The following CFAP77 variants were observed in gnomAD, a reference collection of about 807,000 sequenced individuals.
CFAP77 encodes the protein cilia- and flagella-associated protein 77.
A neutral mutation model predicts 31.1 loss-of-function variants in CFAP77; 25 were observed. That is an observed-to-expected ratio of 0.80 (90% CI 0.59 to 1.12). The LOEUF (loss-of-function observed/expected upper bound fraction) is 1.12. Among genes scored for constraint, CFAP77 ranks in the 50% most tolerant of loss-of-function variants. The pLI is 0.00. For synonymous variants in CFAP77, 151 were observed against 159.9 expected (o/e 0.94, Z 0.42); for missense variants, 377 against 397.3 (o/e 0.95, Z 0.44).
At chr9:132,437,120 G>C (rs1457511352) in intron 1 of CFAP77, among the ~76,000 whole-genome samples, 1 of 152,122 alleles carries the variant, frequency 6.6e-6, no homozygotes, top group Non-Finnish European at 1.5e-5. Flanking sequence ...TACTATTCAG[G>C]TAACTCGATG....
At chr9:132,425,656 G>T (rs949502121) in intron 1 of CFAP77, among the ~76,000 whole-genome samples, 1 of 152,094 alleles carries the variant, frequency 6.6e-6, no homozygotes, top group Non-Finnish European at 1.5e-5. Context: ...TTTAAAGGCA[G>T]CAGCCTCTAA....
At chr9:132,535,704 T>G (rs1025384846) in intron 3 of CFAP77, among the ~76,000 whole-genome samples, 42 of 146,188 alleles carry the variant, frequency 2.9e-4, no homozygotes, top group Non-Finnish European at 3.7e-4. Context: ...AGCGTGAGAC[T>G]CCACCTCAAT....
chr9:132,500,346 C>T (rs978230516), intron 3 of CFAP77, among the ~76,000 whole-genome samples: 2 of 152,086 alleles, frequency 1.3e-5, no homozygotes, highest in Admixed American at 6.5e-5. Context: ...ATGGAGATAA[C>T]AGTAGCACCT....
chr9:132,492,296 AC>A (rs111522804), intron 1 of CFAP77, among the ~76,000 whole-genome samples: 10,716 of 151,014 alleles, frequency 0.071, 502 homozygotes, highest in African/African-American at 0.13. Context: ...TCAAAAAAGA[AC>A]CCCCCCCAAA....
chr9:132,484,969 C>G (rs554068849), intron 1 of CFAP77, among the ~76,000 whole-genome samples: 4 of 152,142 alleles, frequency 2.6e-5, no homozygotes, highest in African/African-American at 9.6e-5. Context: ...CCGCCTCAAC[C>G]TCCCCTGTAG....
chr9:132,450,812 C>T (rs372703763), intron 1 of CFAP77, among the ~76,000 whole-genome samples: 49 of 152,262 alleles, frequency 3.2e-4, no homozygotes, highest in African/African-American at 1.1e-3. Context: ...AGCGGGTAAG[C>T]CGGGAGGCTC....
At position 132,572,592 on chromosome 9, in the gene CFAP77, A is replaced by C; in HGVS notation, c.*82A>C. The C allele has an allele frequency of 7.4e-7, 1 of 1,357,942 alleles. No homozygotes were observed. The highest frequency in any genetic ancestry group is 1.0e-6 in the Non-Finnish European group (1 of 1,001,678). The allele number at this position is 1,357,942 out of a possible 1,614,324, so 84.1% of individuals were successfully genotyped here. On this transcript the variant is annotated 3_prime_UTR_variant, in exon 6 of 6. Coordinates refer to ENST00000393216, the MANE Select transcript of CFAP77 (RefSeq NM_001282957.2). ...GACTCCCTATCTTGCCCCAACCCTG[A>C]CATTCCCCCATTTTTATGCAGGTTC...
At position 132,458,357 on chromosome 9, in the gene CFAP77, G is replaced by GT. The variant is rs1554738861; in HGVS notation, c.196-40338_196-40337insT. Among the ~76,000 whole-genome samples the GT allele has an allele frequency of 8.8e-3, 1,050 of 118,970 alleles. 35 individuals are homozygous for GT. Among genetic ancestry groups the GT allele is most frequent in the Non-Finnish European group, 0.012 (688 of 57,872 alleles). The allele number at this position is 118,970 out of a possible 152,430, so 78.0% of individuals were successfully genotyped here. A position where few individuals can be genotyped will look rare whatever the true frequency, so the allele number is the denominator to read the frequency against. On this transcript the variant is annotated intron_variant, in intron 1 of 5. Transcript: ENST00000393216. ...GTCTCCCTGGCGGGGGAGGGGGGGG[G>GT]GTGTGTATGGAAGGCTCAGCTCATC...
chr9:132,488,757 C>G (rs1350523285), intron 1 of CFAP77, among the ~76,000 whole-genome samples: 1 of 152,204 alleles, frequency 6.6e-6, no homozygotes, highest in African/African-American at 2.4e-5. Context: ...CGGCTTGGTT[C>G]CCAGCATGGG....
chr9:132,511,670 T>G lies in CFAP77; in HGVS notation c.524+12070T>G, dbSNP rs916748091. On this transcript the variant is annotated intron_variant, in intron 3 of 5. Coordinates refer to ENST00000393216, the MANE Select transcript of CFAP77 (RefSeq NM_001282957.2). This position sits in a 1 kb window ranked among gnomAD's most constrained non-coding sequence, Gnocchi z 5.8. ...CCCGGGCACGACTCTTGCAGGGCAC[T>G]GAGCTTCAGCTACAGGAGCTGTTGA... 3.9e-5 allele frequency among the ~76,000 whole-genome samples: 6 copies of G among 152,266 alleles called. No homozygotes were observed. Among genetic ancestry groups the G allele is most frequent in the Non-Finnish European group, 5.9e-5 (4 of 68,058 alleles).
At chr9:132,500,637 C>A (rs1181423887) in intron 3 of CFAP77, among the ~76,000 whole-genome samples, 1 of 152,194 alleles carries the variant, frequency 6.6e-6, no homozygotes, top group African/African-American at 2.4e-5. Flanking sequence ...TAGAATAAAT[C>A]TGGCACCCCA....
chr9:132,519,343 GGTGGGCAA>G, intron 3 of CFAP77, among the ~76,000 whole-genome samples: 1 of 149,084 alleles, frequency 6.7e-6, no homozygotes, highest in Non-Finnish European at 1.5e-5. Flanking sequence ...TGGATGGGTG[GGTGGGCAA>G]GTGGGTGGAT....
At chr9:132,512,860 T>A (rs760012291) in intron 3 of CFAP77, among the ~76,000 whole-genome samples, 2 of 152,178 alleles carry the variant, frequency 1.3e-5, no homozygotes, top group Non-Finnish European at 2.9e-5. Context: ...GGCAGGAGAA[T>A]CACTTGAACC....
chr9:132,509,940 C>G (rs932069449), intron 3 of CFAP77, among the ~76,000 whole-genome samples: 3 of 152,194 alleles, frequency 2.0e-5, no homozygotes, highest in Non-Finnish European at 4.4e-5. Context: ...TCCTGCTGCT[C>G]CTTCCTCCTT....
intron 1 of CFAP77, among the ~76,000 whole-genome samples, chr9:132,456,319 C>T (rs1439738647): frequency 6.6e-6 from 1 of 152,178 alleles, no homozygotes; most frequent in Non-Finnish European, 1.5e-5. Flanking sequence ...TGCCCCTCTC[C>T]CAGCCTCATG....
In CFAP77 at chr9:132,572,588, C is replaced by A. The variant is rs1829974942; in HGVS notation, c.*78C>A. On this transcript the variant is annotated 3_prime_UTR_variant, in exon 6 of 6. Coordinates refer to ENST00000393216, the MANE Select transcript of CFAP77 (RefSeq NM_001282957.2). ...GAAGGACTCCCTATCTTGCCCCAAC[C>A]CTGACATTCCCCCATTTTTATGCAG... 4 of 1,379,874 alleles carry A rather than the reference C, an allele frequency of 2.9e-6. No individual in the cohort carries two copies. The highest frequency in any genetic ancestry group is 4.9e-5 in the East Asian group (2 of 41,220). The allele number at this position is 1,379,874 out of a possible 1,614,324, so 85.5% of individuals were successfully genotyped here. A position where few individuals can be genotyped will look rare whatever the true frequency, so the allele number is the denominator to read the frequency against.
chr9:132,502,410 C>T (rs58130312), intron 3 of CFAP77, among the ~76,000 whole-genome samples: 11,899 of 151,966 alleles, frequency 0.078, 620 homozygotes, highest in South Asian at 0.15. Context: ...ACATTCACGT[C>T]GTTGTGTGAC....
In CFAP77 at chr9:132,554,661, G is replaced by A. The variant is rs770741928; in HGVS notation, c.732+11614G>A. Among the ~76,000 whole-genome samples, 1 of 152,148 alleles carries A rather than the reference G, an allele frequency of 6.6e-6. No homozygotes were observed. Among genetic ancestry groups the A allele is most frequent in the Non-Finnish European group, 1.5e-5 (1 of 68,032 alleles). On this transcript the variant is annotated intron_variant, in intron 5 of 5. Coordinates refer to ENST00000393216, the MANE Select transcript of CFAP77 (RefSeq NM_001282957.2). The surrounding 1 kb of genome is among the most constrained non-coding windows in gnomAD (Gnocchi z 4.1). Reference sequence around the variant, plus strand: ...CCTTAAATACCTTGTTTCACCTTGCGTGCAATCCGCCAGATACCTTCAAAT... The same window carrying A: ...CCTTAAATACCTTGTTTCACCTTGCATGCAATCCGCCAGATACCTTCAAAT...
intron 1 of CFAP77, among the ~76,000 whole-genome samples, chr9:132,466,504 A>G (rs1164171412): frequency 6.6e-6 from 1 of 152,118 alleles, no homozygotes; most frequent in Non-Finnish European, 1.5e-5. Context: ...CAGAGAACAA[A>G]TGTCGCATTG....
Sources: gnomAD v4.1 joint callset for allele counts (sites outside exome capture counted in the v4.1 genomes callset) on GRCh38, gnomAD v4.1.1 for gene constraint, Gnocchi (gnomAD v3.1) non-coding constraint, MANE v1.5 for transcripts, NCBI Gene and HGNC (gene_info 2026-07-23, HGNC 2026-07-21) for gene names.